BMP6: variants seen among roughly 807,000 people sequenced by gnomAD.
The protein encoded by BMP6 is bone morphogenetic protein 6, also known as VG-1-R.
A neutral mutation model predicts 54.1 loss-of-function variants in BMP6; 17 were observed. That is an observed-to-expected ratio of 0.31 (90% CI 0.22 to 0.47). The LOEUF is 0.47. Ranked by LOEUF, BMP6 falls within the 20% of genes least tolerant of loss-of-function variation. The pLI, the probability that BMP6 is intolerant of heterozygous loss-of-function variation, is 1.00. For synonymous variants in BMP6, 328 were observed against 291.2 expected (o/e 1.13, Z -1.28); for missense variants, 720 against 690.4 (o/e 1.04, Z -0.48).
intron 1 of BMP6, among the ~76,000 whole-genome samples, chr6:7,730,215 C>T (rs1198301606): frequency 6.6e-6 from 1 of 152,180 alleles, no homozygotes; most frequent in African/African-American, 2.4e-5. Context: ...AGTCACACTG[C>T]TTAAAGCTGG....
intron 1 of BMP6, among the ~76,000 whole-genome samples, chr6:7,766,988 GT>G (rs1245355693): frequency 8.8e-5 from 8 of 91,172 alleles, no homozygotes; most frequent in Non-Finnish European, 1.5e-4. Flanking sequence ...ATGATAGTTT[GT>G]TTGTTTTTTT....
chr6:7,821,062 C>T (rs548579195), intron 1 of BMP6, among the ~76,000 whole-genome samples: 99 of 152,396 alleles, frequency 6.5e-4, no homozygotes, highest in Non-Finnish European at 1.2e-3. Flanking sequence ...GGGTCTGCAG[C>T]CCTGGGGTTG....
intron 1 of BMP6, among the ~76,000 whole-genome samples, chr6:7,842,530 A>G (rs1054484454): frequency 6.6e-6 from 1 of 152,168 alleles, no homozygotes; most frequent in East Asian, 1.9e-4. Flanking sequence ...CAAGCATTCC[A>G]AGAAGTCTAA....
chr6:7,755,916 A>G (rs1281573134), intron 1 of BMP6, among the ~76,000 whole-genome samples: 3 of 152,020 alleles, frequency 2.0e-5, no homozygotes, highest in Non-Finnish European at 4.4e-5. Flanking sequence ...TCCTTTGTAC[A>G]TAAATTGTCT....
At chr6:7,831,245 T>C (rs2113236064) in intron 1 of BMP6, among the ~76,000 whole-genome samples, 1 of 152,214 alleles carries the variant, frequency 6.6e-6, no homozygotes, top group East Asian at 1.9e-4. Context: ...ATATCCAAAA[T>C]AGGCAGATCC....
chr6:7,821,093 C>T (rs1011415124), intron 1 of BMP6, among the ~76,000 whole-genome samples: 1 of 152,230 alleles, frequency 6.6e-6, no homozygotes, highest in Non-Finnish European at 1.5e-5. Context: ...TTCTATGGGA[C>T]ATCATTCTGC....
At chr6:7,799,780 C>T (rs1410091022) in intron 1 of BMP6, among the ~76,000 whole-genome samples, 1 of 151,152 alleles carries the variant, frequency 6.6e-6, no homozygotes, top group African/African-American at 2.4e-5. Flanking sequence ...TGCTTAAAAG[C>T]ATATTATCAT....
chr6:7,845,394 G>A (rs1325532284), intron 2 of BMP6, 62 bp downstream of exon 2: 1 of 1,480,414 alleles, frequency 6.8e-7, no homozygotes, highest in African/African-American at 1.4e-5. Context: ...CTTTTGTCAT[G>A]ACAATAACCC....
intron 1 of BMP6, among the ~76,000 whole-genome samples, chr6:7,741,791 G>A (rs1235025294): frequency 1.3e-5 from 2 of 152,224 alleles, no homozygotes; most frequent in African/African-American, 2.4e-5. Flanking sequence ...AGGCTTCAAC[G>A]AAGGAGTTGG....
chr6:7,775,096 A>G (rs1277813642), intron 1 of BMP6, among the ~76,000 whole-genome samples: 1 of 152,160 alleles, frequency 6.6e-6, no homozygotes, highest in Non-Finnish European at 1.5e-5. Flanking sequence ...CTCGTGACCT[A>G]ATCACCTCTT....
intron 1 of BMP6, among the ~76,000 whole-genome samples, chr6:7,764,660 T>G (rs778081137): frequency 2.0e-5 from 3 of 152,278 alleles, no homozygotes; most frequent in Non-Finnish European, 4.4e-5. Flanking sequence ...AAAAAAATTT[T>G]TTTAGGGGCA....
chr6:7,875,728 T>G (rs1031925501), intron 4 of BMP6, among the ~76,000 whole-genome samples: 2 of 152,142 alleles, frequency 1.3e-5, no homozygotes, highest in African/African-American at 4.8e-5. Flanking sequence ...TGACACAAAA[T>G]TAACTATCAC....
Position 7,862,512 on chromosome 6 carries a change from G to A in BMP6, c.1204+14G>A. ...CCAGTGCTTCAGGTGGGTTTGTGGGGAGCCTGTGTTTCCAGAAAGCCTTGT... is the reference window on the plus strand; with the variant it reads ...CCAGTGCTTCAGGTGGGTTTGTGGGAAGCCTGTGTTTCCAGAAAGCCTTGT... On this transcript the variant is annotated intron_variant, in intron 4 of 6. Coordinates refer to ENST00000283147, the MANE Select transcript of BMP6 (RefSeq NM_001718.6). The A allele has an allele frequency of 6.2e-7, 1 of 1,613,172 alleles. No homozygotes were observed. The highest frequency in any genetic ancestry group is 8.5e-7 in the Non-Finnish European group (1 of 1,179,684).
At chr6:7,829,348 G>A (rs984156843) in intron 1 of BMP6, among the ~76,000 whole-genome samples, 7 of 152,020 alleles carry the variant, frequency 4.6e-5, no homozygotes, top group African/African-American at 1.7e-4. Flanking sequence ...TTATTGGCCA[G>A]GTAAGGGTGT....
At chr6:7,847,484 G>A (rs1389826799) in intron 2 of BMP6, among the ~76,000 whole-genome samples, 1 of 152,200 alleles carries the variant, frequency 6.6e-6, no homozygotes, top group African/African-American at 2.4e-5. Context: ...ATCTTGGGGT[G>A]TCTTGGCTGA....
intron 1 of BMP6, among the ~76,000 whole-genome samples, chr6:7,830,770 C>A (rs1758781407): frequency 6.6e-6 from 1 of 152,100 alleles, no homozygotes; most frequent in Non-Finnish European, 1.5e-5. Context: ...ATCATCAGAT[C>A]TCATGAGACT....
intron 1 of BMP6, among the ~76,000 whole-genome samples, chr6:7,813,579 G>A (rs1300745591): frequency 1.4e-5 from 2 of 139,752 alleles, no homozygotes; most frequent in Admixed American, 7.6e-5. Context: ...GGAGTTCAAG[G>A]GTCCAGTGAG....
At chr6:7,827,601 A>C (rs990714692) in intron 1 of BMP6, among the ~76,000 whole-genome samples, 1 of 152,226 alleles carries the variant, frequency 6.6e-6, no homozygotes, top group African/African-American at 2.4e-5. Flanking sequence ...TTAGACATGG[A>C]AATTATTGCA....
At chr6:7,730,001 C>T (rs1167472440) in intron 1 of BMP6, among the ~76,000 whole-genome samples, 6 of 152,218 alleles carry the variant, frequency 3.9e-5, no homozygotes, top group Admixed American at 3.9e-4. Context: ...CCACCATGCC[C>T]AGCAGTGTCA....
Sources: allele counts gnomAD v4.1 joint callset (sites outside exome capture counted in the v4.1 genomes callset), GRCh38; gene constraint gnomAD v4.1.1; transcripts MANE v1.5; gene names NCBI Gene and HGNC (gene_info 2026-07-23, HGNC 2026-07-21).